Variants in STK3 observed in about 807,000 individuals in gnomAD.
STK3 encodes serine/threonine-protein kinase 3.
STK3 carries 41 observed loss-of-function variants against 58.0 expected under a neutral mutation model. That is an observed-to-expected ratio of 0.71 (90% CI 0.55 to 0.92). STK3 has a LOEUF of 0.92. Ranked by LOEUF, STK3 falls within the 40% of genes least tolerant of loss-of-function variation. The probability of loss-of-function intolerance (pLI) is 0.00; values close to 1 mark genes in which losing one functional copy is unlikely to be tolerated. For synonymous variants in STK3, 170 were observed against 191.0 expected (o/e 0.89, Z 0.91); for missense variants, 479 against 602.7 (o/e 0.79, Z 2.15).
chr8:98,473,965 T>C (rs558113766), intron 10 of STK3, among the ~76,000 whole-genome samples: 2 of 152,166 alleles, frequency 1.3e-5, no homozygotes, highest in African/African-American at 4.8e-5. Flanking sequence ...TTCTATTAGA[T>C]GTCTCCTGGG....
At chr8:98,932,958 A>G (rs1840055851) in intron 1 of STK3, among the ~76,000 whole-genome samples, 1 of 152,210 alleles carries the variant, frequency 6.6e-6, no homozygotes, top group Non-Finnish European at 1.5e-5. Flanking sequence ...GTGCTGTGGA[A>G]AAGTCAGCTA....
intron 3 of STK3, among the ~76,000 whole-genome samples, chr8:98,876,368 C>G (rs1231728665): frequency 1.3e-5 from 2 of 152,154 alleles, no homozygotes; most frequent in Non-Finnish European, 2.9e-5. Context: ...TGTAAGAAAC[C>G]TAAGAGAAAT....
chr8:98,445,167 A>G (rs1818884365), intron 1 of STK3, among the ~76,000 whole-genome samples: 1 of 152,208 alleles, frequency 6.6e-6, no homozygotes, highest in South Asian at 2.1e-4. Flanking sequence ...AATCAATTTT[A>G]GAACAATTTC....
intron 3 of STK3, among the ~76,000 whole-genome samples, chr8:98,418,644 C>A (rs1284632302): frequency 6.6e-6 from 1 of 152,154 alleles, no homozygotes; most frequent in East Asian, 1.9e-4. Context: ...TAAAGACAAA[C>A]AGACCAGGAC....
intron 1 of STK3, among the ~76,000 whole-genome samples, chr8:98,909,604 T>C (rs755569707): frequency 6.6e-6 from 1 of 152,204 alleles, no homozygotes; most frequent in Non-Finnish European, 1.5e-5. Context: ...TTGAATCATA[T>C]ATTATGTGGT....
chr8:98,407,030 G>C (rs1380160683), intron 3 of STK3, among the ~76,000 whole-genome samples: 2 of 152,152 alleles, frequency 1.3e-5, no homozygotes, highest in African/African-American at 4.8e-5. Context: ...CTCCAGTTAA[G>C]TCTTCTGGAT....
At chr8:98,443,083 C>T (rs11774066) in intron 1 of STK3, among the ~76,000 whole-genome samples, 31,718 of 151,522 alleles carry the variant, frequency 0.21, 4,081 homozygotes, top group Admixed American at 0.4. Context: ...GTGAATTAAA[C>T]GGTCTAGACA....
At chr8:98,482,656 T>A (rs1302905651) in intron 10 of STK3, among the ~76,000 whole-genome samples, 1 of 151,902 alleles carries the variant, frequency 6.6e-6, no homozygotes, top group African/African-American at 2.4e-5. Flanking sequence ...GGTGCCTAAC[T>A]CTCCACATAT....
At chr8:98,484,612 CT>C (rs1407854615) in intron 10 of STK3, among the ~76,000 whole-genome samples, 1 of 151,520 alleles carries the variant, frequency 6.6e-6, no homozygotes, top group African/African-American at 2.4e-5. Context: ...TATGCTTTTT[CT>C]TTTTCAAAGT....
At chr8:98,725,226 A>C (rs756048503) in intron 4 of STK3, among the ~76,000 whole-genome samples, 1 of 152,220 alleles carries the variant, frequency 6.6e-6, no homozygotes, top group Non-Finnish European at 1.5e-5. Context: ...ACGGTAAGGT[A>C]TAAAACATCA....
intron 1 of STK3, among the ~76,000 whole-genome samples, chr8:98,889,315 C>G (rs1229358847): frequency 2.6e-5 from 4 of 152,204 alleles, no homozygotes; most frequent in Non-Finnish European, 5.9e-5. Flanking sequence ...AGAAATGGCT[C>G]TCTTTCAGCC....
chr8:98,385,622 G>T (rs891983989), intron 1 of STK3, among the ~76,000 whole-genome samples: 3 of 152,048 alleles, frequency 2.0e-5, no homozygotes, highest in Admixed American at 2.0e-4. Flanking sequence ...ACTCCCCTTC[G>T]CAGTGCCCCC....
intron 3 of STK3, among the ~76,000 whole-genome samples, chr8:98,759,429 T>C (rs1830487600): frequency 6.6e-6 from 1 of 152,166 alleles, no homozygotes; most frequent in Non-Finnish European, 1.5e-5. Flanking sequence ...CTTACAAAGG[T>C]GCAGTTCGTG....
At chr8:98,633,210 G>A (rs920838909) in intron 6 of STK3, among the ~76,000 whole-genome samples, 1 of 152,120 alleles carries the variant, frequency 6.6e-6, no homozygotes, top group Non-Finnish European at 1.5e-5. Context: ...GTAACACTTA[G>A]AAGAAGGCAG....
At chr8:98,416,662 C>A (rs184699708) in intron 3 of STK3, among the ~76,000 whole-genome samples, 2 of 152,254 alleles carry the variant, frequency 1.3e-5, no homozygotes, top group African/African-American at 4.8e-5. Flanking sequence ...CCTAGAGCCT[C>A]CGTCATTTTA....
At chr8:98,736,920 T>C (rs962153388) in intron 4 of STK3, among the ~76,000 whole-genome samples, 5 of 152,160 alleles carry the variant, frequency 3.3e-5, no homozygotes, top group African/African-American at 9.7e-5. Flanking sequence ...TCCATTACTC[T>C]GAGAAAGCTT....
intron 6 of STK3, among the ~76,000 whole-genome samples, chr8:98,697,289 T>A (rs1457079713): frequency 2.0e-5 from 3 of 152,228 alleles, no homozygotes; most frequent in African/African-American, 7.2e-5. Flanking sequence ...TCAATTTTGT[T>A]GATCCTTTCA....
At chr8:98,927,712 A>G (rs1031282753) in intron 1 of STK3, among the ~76,000 whole-genome samples, 1 of 152,246 alleles carries the variant, frequency 6.6e-6, no homozygotes, top group African/African-American at 2.4e-5. Flanking sequence ...AGCTTGTGCT[A>G]TTAACATGAA....
intron 3 of STK3, among the ~76,000 whole-genome samples, chr8:98,402,674 T>A (rs6997978): frequency 6.6e-6 from 1 of 152,052 alleles, no homozygotes; most frequent in African/African-American, 2.4e-5. Context: ...TCCCAACTCC[T>A]GAGGGCCTCA....
Sources: allele counts gnomAD v4.1 joint callset (sites outside exome capture counted in the v4.1 genomes callset), GRCh38; gene constraint gnomAD v4.1.1; transcripts MANE v1.5; gene names NCBI Gene and HGNC (gene_info 2026-07-23, HGNC 2026-07-21).